Variants in DIAPH2 observed in about 807,000 individuals in gnomAD.
DIAPH2 encodes protein diaphanous homolog 2.
In DIAPH2, 35 loss-of-function variants were observed where a neutral mutation model predicts 92.7. The observed-to-expected ratio is 0.38, with a 90% CI of 0.29 to 0.50. The LOEUF (loss-of-function observed/expected upper bound fraction) is 0.50, where lower values mean the gene tolerates loss of function less well. Ranked by LOEUF, DIAPH2 falls within the 20% of genes least tolerant of loss-of-function variation. The probability of loss-of-function intolerance (pLI) is 0.94; values close to 1 mark genes in which losing one functional copy is unlikely to be tolerated. For missense variants in DIAPH2, 701 were observed against 819.5 expected (o/e 0.86, Z 1.77); for synonymous variants, 301 against 280.4 (o/e 1.07, Z -0.73).
At chrX:97,109,947 T>C (rs1395539287) in intron 20 of DIAPH2, among the ~76,000 whole-genome samples, 1 of 111,987 alleles carries the variant, frequency 8.9e-6, no homozygotes, top group Non-Finnish European at 1.9e-5. Context: ...CAACTTCTTC[T>C]GAAAAGCAGG....
chrX:97,365,385 T>C (rs969438677), intron 24 of DIAPH2, among the ~76,000 whole-genome samples: 2 of 111,459 alleles, frequency 1.8e-5, no homozygotes, highest in East Asian at 2.8e-4. Context: ...GTAGGTTTCA[T>C]TGGGACATTC....
At chrX:97,484,362 A>T (rs1373462669) in intron 26 of DIAPH2, among the ~76,000 whole-genome samples, 2 of 112,245 alleles carry the variant, frequency 1.8e-5, no homozygotes, top group Non-Finnish European at 3.8e-5. Flanking sequence ...AATGTATGTA[A>T]CAATGCCTAC....
intron 24 of DIAPH2, among the ~76,000 whole-genome samples, chrX:97,369,148 TC>T (rs2069416563): frequency 9.0e-6 from 1 of 110,897 alleles, no homozygotes; most frequent in African/African-American, 3.3e-5. Context: ...CCTCAGGTGA[TC>T]CGCCCGCCTC....
chrX:97,497,446 A>G (rs1159302036), intron 26 of DIAPH2, among the ~76,000 whole-genome samples: 1 of 92,931 alleles, frequency 1.1e-5, no homozygotes, highest in Admixed American at 1.2e-4. Flanking sequence ...CTCTGATCAC[A>G]TTTTTTTTTT....
intron 3 of DIAPH2, among the ~76,000 whole-genome samples, chrX:96,745,428 T>C (rs1457098853): frequency 8.9e-6 from 1 of 112,214 alleles, no homozygotes; most frequent in Non-Finnish European, 1.9e-5. Context: ...TAATGATGTA[T>C]TGGTGAAACT....
intron 4 of DIAPH2, among the ~76,000 whole-genome samples, chrX:96,809,381 A>T (rs760213448): frequency 1.1e-4 from 12 of 110,577 alleles, no homozygotes; most frequent in Non-Finnish European, 2.1e-4. Context: ...CCCTCTTAAG[A>T]ATTTTTTAAG....
At chrX:97,565,891 C>T (rs1183978881) in intron 26 of DIAPH2, among the ~76,000 whole-genome samples, 1 of 112,253 alleles carries the variant, frequency 8.9e-6, no homozygotes, top group Non-Finnish European at 1.9e-5. Flanking sequence ...GGTCCATTGG[C>T]TTTTCCATTC....
intron 4 of DIAPH2, among the ~76,000 whole-genome samples, chrX:96,878,003 T>A (rs1189703925): frequency 8.9e-6 from 1 of 112,063 alleles, no homozygotes; most frequent in African/African-American, 3.2e-5. Flanking sequence ...ATTAATCTCA[T>A]ACAGAGCAGC....
At chrX:96,885,220 TC>T in intron 5 of DIAPH2, 4 of 559,148 alleles carry the variant, frequency 7.2e-6, no homozygotes, top group Non-Finnish European at 1.1e-5. Flanking sequence ...CTTTGTCAAC[TC>T]GCTGCTTTTC....
At chrX:96,945,448 A>G (rs2065732405) in intron 13 of DIAPH2, 79 bp from the exon 14 acceptor site, 6 of 659,465 alleles carry the variant, frequency 9.1e-6, no homozygotes, top group African/African-American at 7.0e-5. Flanking sequence ...TCTGCATTGC[A>G]GAGTTATAGG....
intron 16 of DIAPH2, among the ~76,000 whole-genome samples, chrX:96,962,282 TATAC>T (rs1569436365): frequency 1.3e-4 from 10 of 75,279 alleles, no homozygotes; most frequent in Non-Finnish European, 1.8e-4. Flanking sequence ...TACATATATA[TATAC>T]ATATATATAT....
intron 22 of DIAPH2, among the ~76,000 whole-genome samples, chrX:97,171,064 G>C (rs1223945174): frequency 1.8e-5 from 2 of 110,389 alleles, no homozygotes; most frequent in African/African-American, 6.6e-5. Context: ...AGCAGAGCCC[G>C]GGTTTCACCA....
chrX:97,159,196 C>G (rs58213037), intron 22 of DIAPH2, among the ~76,000 whole-genome samples: 250 of 111,959 alleles, frequency 2.2e-3, no homozygotes, highest in African/African-American at 7.8e-3. Flanking sequence ...GTTCATAACT[C>G]AGCTTTAGAA....
chrX:97,543,736 C>T (rs1024046840), intron 26 of DIAPH2, among the ~76,000 whole-genome samples: 5 of 110,391 alleles, frequency 4.5e-5, no homozygotes, highest in Non-Finnish European at 9.5e-5. Context: ...AAACTCCTGA[C>T]CTCAAGTGAT....
At chrX:96,700,893 A>C (rs1428997516) in intron 1 of DIAPH2, among the ~76,000 whole-genome samples, 2 of 111,963 alleles carry the variant, frequency 1.8e-5, no homozygotes, top group African/African-American at 6.5e-5. Flanking sequence ...CATTCAACTC[A>C]TCAGGTCCCA....
At chrX:97,076,824 C>T (rs2066708330) in intron 19 of DIAPH2, among the ~76,000 whole-genome samples, 1 of 111,382 alleles carries the variant, frequency 9.0e-6, no homozygotes, top group African/African-American at 3.3e-5. Context: ...CCTCCATTCC[C>T]TTTTCTAAGC....
intron 4 of DIAPH2, among the ~76,000 whole-genome samples, chrX:96,871,280 A>C (rs2065139848): frequency 9.1e-6 from 1 of 109,667 alleles, no homozygotes; most frequent in Non-Finnish European, 1.9e-5. Flanking sequence ...CATCCTGGCT[A>C]ACACGGTGAA....
At chrX:96,875,477 T>G (rs1448639611) in intron 4 of DIAPH2, among the ~76,000 whole-genome samples, 1 of 111,995 alleles carries the variant, frequency 8.9e-6, no homozygotes, top group Non-Finnish European at 1.9e-5. Flanking sequence ...TAAATTTTTT[T>G]GGGAAAAATG....
intron 21 of DIAPH2, among the ~76,000 whole-genome samples, chrX:97,117,946 A>G (rs918724707): frequency 5.4e-5 from 6 of 111,096 alleles, no homozygotes; most frequent in Non-Finnish European, 1.1e-4. Context: ...GCTACACTTC[A>G]AGGCCATTTG....
Sources: gnomAD v4.1 joint callset for allele counts (sites outside exome capture counted in the v4.1 genomes callset) on GRCh38, gnomAD v4.1.1 for gene constraint, MANE v1.5 for transcripts, NCBI Gene and HGNC (gene_info 2026-07-23, HGNC 2026-07-21) for gene names.